The following SNAP91 variants were observed in gnomAD, a reference collection of about 807,000 sequenced individuals.
SNAP91 encodes synaptosome associated protein 91, also known as clathrin coat assembly protein AP180.
A neutral mutation model predicts 100.3 loss-of-function variants in SNAP91; 27 were observed. The ratio of observed to expected loss-of-function variants is 0.27; its 90% CI spans 0.20 to 0.37. The LOEUF (loss-of-function observed/expected upper bound fraction) is 0.37, where lower values mean the gene tolerates loss of function less well. Among genes scored for constraint, SNAP91 ranks in the 10% least tolerant of loss-of-function variants. The pLI is 1.00. For synonymous variants in SNAP91, 404 were observed against 398.6 expected (o/e 1.01, Z -0.16); for missense variants, 986 against 1,123.7 (o/e 0.88, Z 1.75).
At chr6:83,596,039 C>G (rs780948239) in intron 16 of SNAP91, among the ~76,000 whole-genome samples, 2 of 152,108 alleles carry the variant, frequency 1.3e-5, no homozygotes, top group Non-Finnish European at 2.9e-5. Context: ...CTTTGTTATA[C>G]TGAGGAAATA....
intron 26 of SNAP91, among the ~76,000 whole-genome samples, chr6:83,572,821 T>C (rs897045070): frequency 6.6e-6 from 1 of 152,238 alleles, no homozygotes; most frequent in African/African-American, 2.4e-5. Flanking sequence ...AATGATAATA[T>C]AGATTACATT....
At chr6:83,597,433 G>A (rs2094598196) in intron 16 of SNAP91, among the ~76,000 whole-genome samples, 1 of 152,124 alleles carries the variant, frequency 6.6e-6, no homozygotes, top group Non-Finnish European at 1.5e-5. Context: ...GCAAACTAAA[G>A]TTATTTCCAG....
chr6:83,690,160 G>A (rs1160839933), intron 2 of SNAP91: 1 of 474,604 alleles, frequency 2.1e-6, no homozygotes, highest in Non-Finnish European at 2.9e-6. Flanking sequence ...TTTTCCTAAT[G>A]ATTATGGTTA....
chr6:83,702,299 G>T (rs1256962221), intron 2 of SNAP91, among the ~76,000 whole-genome samples: 4 of 152,118 alleles, frequency 2.6e-5, no homozygotes, highest in African/African-American at 9.7e-5. Context: ...AGGGAATAGG[G>T]TTATATGTCA....
intron 3 of SNAP91, among the ~76,000 whole-genome samples, chr6:83,662,765 T>C (rs1204588533): frequency 6.6e-6 from 1 of 152,192 alleles, no homozygotes; most frequent in African/African-American, 2.4e-5. Flanking sequence ...AAATCTTTCC[T>C]ATGGGAAAAA....
chr6:83,558,473 T>A (rs780014649), intron 28 of SNAP91, among the ~76,000 whole-genome samples: 1 of 152,250 alleles, frequency 6.6e-6, no homozygotes, highest in Non-Finnish European at 1.5e-5. Flanking sequence ...GTAATGGCCA[T>A]GAAGGCTAGG....
intron 18 of SNAP91, 63 bp downstream of exon 18, chr6:83,593,415 T>A (rs2094066308): frequency 3.9e-6 from 6 of 1,536,356 alleles, no homozygotes; most frequent in Middle Eastern, 1.7e-4. Context: ...ATGCAGTACA[T>A]CTCAAGGATC....
At chr6:83,652,871 T>A (rs1212808065) in intron 7 of SNAP91, among the ~76,000 whole-genome samples, 1 of 152,170 alleles carries the variant, frequency 6.6e-6, no homozygotes, top group Non-Finnish European at 1.5e-5. Context: ...GGTAAAGAAT[T>A]CTAGGTTAAG....
At chr6:83,628,448 T>C (rs2097060304) in intron 8 of SNAP91, among the ~76,000 whole-genome samples, 2 of 151,936 alleles carry the variant, frequency 1.3e-5, no homozygotes, top group African/African-American at 4.8e-5. Context: ...TTTTCCATAG[T>C]GGCTGTACTA....
intron 2 of SNAP91, among the ~76,000 whole-genome samples, chr6:83,701,624 T>C (rs1040448775): frequency 3.3e-5 from 5 of 152,236 alleles, no homozygotes; most frequent in African/African-American, 1.2e-4. Flanking sequence ...CTTTTTTGTA[T>C]TTTTAGTAGA....
Position 83,707,879 on chromosome 6 carries a change from C to T in SNAP91, c.49G>A (p.Val17Ile). ...TDRIAAAQYS[V>I]TGSAVARAVC... The stretch of plus-strand genomic sequence containing the variant: ...GCTCTTGCTACAGCAGAGCCTGTAA[C>T]GCTGTACTGAGCGGCGGCGATCCGA... The change falls in exon 2 of 30, where the codon GTT becomes ATT. Residue 17 changes from valine (V) to isoleucine (I), a missense_variant. Val to Ile is a conservative substitution (Grantham distance 29). Transcript: ENST00000369694. The T allele has an allele frequency of 1.2e-6, 2 of 1,608,338 alleles. No individual in the cohort carries two copies. Among genetic ancestry groups the T allele is most frequent in the Non-Finnish European group, 8.5e-7 (1 of 1,178,074 alleles).
At chr6:83,686,407 G>A (rs922717927) in intron 2 of SNAP91, among the ~76,000 whole-genome samples, 1 of 152,168 alleles carries the variant, frequency 6.6e-6, no homozygotes, top group African/African-American at 2.4e-5. Context: ...AACAAATCAA[G>A]GGTAGAGTGT....
chr6:83,700,626 T>TTTTGC (rs2099280139), intron 2 of SNAP91, among the ~76,000 whole-genome samples: 1 of 151,862 alleles, frequency 6.6e-6, no homozygotes, highest in South Asian at 2.1e-4. Flanking sequence ...TTTTGTTTTG[T>TTTTGC]TTTGCTTTGT....
chr6:83,593,672 G>T lies in SNAP91; in HGVS notation c.1502C>A (p.Pro501His). ...PELDLFAMKP[P>H]ETSVPVVTPT... is the part of the protein sequence containing the mutation. ...GGTAACTACAGGAACACTGGTCTCA[G>T]GTGGCTTCATTGCAAAGAGGTCCAG... is the stretch of plus-strand genomic sequence containing the variant. The change falls in exon 18 of 30, where the codon CCT becomes CAT. Residue 501 changes from proline to histidine, a missense_variant. By Grantham distance (77) the Pro-to-His change is moderately conservative. This residue lies in a region of SNAP91 where 575 missense variants were observed against 579.9 expected (regional missense o/e 0.99). Transcript: ENST00000369694. The T allele has an allele frequency of 1.2e-6, 2 of 1,611,688 alleles. No individual in the cohort carries two copies. Among genetic ancestry groups the T allele is most frequent in the Non-Finnish European group, 1.7e-6 (2 of 1,178,046 alleles).
chr6:83,572,760 T>C (rs916540586), intron 26 of SNAP91, among the ~76,000 whole-genome samples: 2 of 152,190 alleles, frequency 1.3e-5, no homozygotes, highest in African/African-American at 2.4e-5. Flanking sequence ...AAATAAGGCC[T>C]TTCTAATTCT....
intron 7 of SNAP91, among the ~76,000 whole-genome samples, chr6:83,644,204 C>A (rs1173255984): frequency 6.6e-6 from 1 of 152,120 alleles, no homozygotes; most frequent in Non-Finnish European, 1.5e-5. Flanking sequence ...AAAATTTTAA[C>A]CAATTTTTTT....
intron 3 of SNAP91, among the ~76,000 whole-genome samples, chr6:83,662,674 A>G (rs1389231517): frequency 6.6e-6 from 1 of 152,170 alleles, no homozygotes; most frequent in Non-Finnish European, 1.5e-5. Context: ...GGCATCCTAC[A>G]TAAAATTGGT....
At chr6:83,648,379 T>C (rs1320317380) in intron 7 of SNAP91, among the ~76,000 whole-genome samples, 1 of 151,712 alleles carries the variant, frequency 6.6e-6, no homozygotes, top group Non-Finnish European at 1.5e-5. Flanking sequence ...AGTTTCTTTA[T>C]GGTTTTTTTT....
At position 83,593,694 on chromosome 6, in the gene SNAP91, C is replaced by T; in HGVS notation, c.1480G>A (p.Asp494Asn). Reference protein sequence around the residue: ...EGSAEAAPELDLFAMKPPETS... With the variant: ...EGSAEAAPELNLFAMKPPETS... ...TCAGGTGGCTTCATTGCAAAGAGGT[C>T]CAGCTCAGGTGCAGCCTCTGCACTA... Residue 494 changes from aspartate (D) to asparagine (N), a missense_variant, in exon 18 of 30, where the codon GAC (aspartate) becomes AAC (asparagine). Asp to Asn is a conservative substitution (Grantham distance 23, BLOSUM62 1). Around this residue, in one of 4 missense-constraint regions of SNAP91, gnomAD observed 575 missense variants for 579.9 expected, o/e 0.99. Transcript: ENST00000369694. 6.2e-7 allele frequency: 1 copy of T among 1,608,282 alleles called. No homozygotes were observed. Among genetic ancestry groups the T allele is most frequent in the South Asian group, 1.1e-5 (1 of 90,806 alleles).
Sources: allele counts gnomAD v4.1 joint callset (sites outside exome capture counted in the v4.1 genomes callset), GRCh38; gene constraint gnomAD v4.1.1; regional missense constraint gnomAD v4.1.1; transcripts MANE v1.5; gene names NCBI Gene and HGNC (gene_info 2026-07-23, HGNC 2026-07-21).